GRM5: variants seen among roughly 807,000 people sequenced by gnomAD.
GRM5 encodes glutamate metabotropic receptor 5.
A neutral mutation model predicts 83.1 loss-of-function variants in GRM5; 19 were observed. The ratio of observed to expected loss-of-function variants is 0.23; its 90% CI spans 0.16 to 0.34. The LOEUF (loss-of-function observed/expected upper bound fraction) is 0.34. GRM5 is among the 10% of genes least tolerant of loss of function. The pLI is 1.00. For missense variants in GRM5, 1,160 were observed against 1,588.3 expected, an observed-to-expected ratio of 0.73 and a Z score of 4.58; for synonymous variants, 675 against 633.6, an observed-to-expected ratio of 1.07 and a Z score of -0.98.
Position 88,827,497 on chromosome 11 carries a change from T to A in GRM5, c.911+22409A>T, listed in dbSNP as rs192806320. Among the ~76,000 whole-genome samples, 120 of 152,372 alleles carry A rather than the reference T, an allele frequency of 7.9e-4. 1 individual carries two copies. The highest frequency in any genetic ancestry group is 5.4e-4 in the Non-Finnish European group (37 of 68,032). On this transcript the variant is annotated intron_variant, in intron 3 of 9. Coordinates refer to ENST00000305447, the MANE Select transcript of GRM5 (RefSeq NM_001143831.3). ...GCTTTAGGACAAATGAAGAGTCAGC[T>A]AGTTCCCCTGCTTACGCCATTTTCA... is the stretch of plus-strand genomic sequence containing the variant.
chr11:88,598,406 TG>T (rs1249847061), intron 5 of GRM5, among the ~76,000 whole-genome samples: 1 of 152,164 alleles, frequency 6.6e-6, no homozygotes, highest in Non-Finnish European at 1.5e-5. Context: ...GATGCCATTC[TG>T]TTTTCACTCC....
Position 88,955,652 on chromosome 11 carries a change from T to C in GRM5, c.661+91560A>G, listed in dbSNP as rs142262661. On this transcript the variant is annotated intron_variant, in intron 2 of 9. Coordinates refer to ENST00000305447, the MANE Select transcript of GRM5 (RefSeq NM_001143831.3). Reference sequence around the variant, plus strand: ...TTGTTCCGTCCTTGTCCCAAATGTATCCTGAACTTTCTTGCTTCTTTTCCA... The same window carrying C: ...TTGTTCCGTCCTTGTCCCAAATGTACCCTGAACTTTCTTGCTTCTTTTCCA... Among the ~76,000 whole-genome samples, 1,363 of 152,324 alleles carry C rather than the reference T, an allele frequency of 8.9e-3. 18 individuals are homozygous for C. Among genetic ancestry groups the C allele is most frequent in the African/African-American group, 0.025 (1,025 of 41,578 alleles).
intron 2 of GRM5, among the ~76,000 whole-genome samples, chr11:88,961,362 A>AT (rs5793371): frequency 0.013 from 1,898 of 144,396 alleles, 27 homozygotes; most frequent in African/African-American, 0.041. Context: ...ATGTTACAGC[A>AT]TTTTTTTTTT....
chr11:88,774,376 A>T (rs1194343878), intron 3 of GRM5, among the ~76,000 whole-genome samples: 1 of 152,200 alleles, frequency 6.6e-6, no homozygotes, highest in Non-Finnish European at 1.5e-5. Flanking sequence ...TTCTAAACAT[A>T]CAATCATGTC....
intron 3 of GRM5, among the ~76,000 whole-genome samples, chr11:88,673,079 T>A (rs1433306982): frequency 6.6e-6 from 1 of 151,964 alleles, no homozygotes; most frequent in African/African-American, 2.4e-5. Flanking sequence ...TCACAGAAAT[T>A]TAAAATGTGA....
At chr11:89,045,092 G>C (rs1253423518) in intron 2 of GRM5, among the ~76,000 whole-genome samples, 1 of 152,104 alleles carries the variant, frequency 6.6e-6, no homozygotes, top group East Asian at 1.9e-4. Flanking sequence ...GTAAGCAAAC[G>C]AGTATTTCTT....
chr11:88,981,830 A>G (rs1016798226), intron 2 of GRM5, among the ~76,000 whole-genome samples: 1 of 152,198 alleles, frequency 6.6e-6, no homozygotes, highest in Non-Finnish European at 1.5e-5. Flanking sequence ...TATCACAGAC[A>G]GCTATAAGGG....
intron 3 of GRM5, among the ~76,000 whole-genome samples, chr11:88,749,145 T>C (rs1295531729): frequency 6.6e-6 from 1 of 152,070 alleles, no homozygotes; most frequent in Admixed American, 6.6e-5. Flanking sequence ...AATAACGAAC[T>C]TCACTGAACT....
intron 2 of GRM5, among the ~76,000 whole-genome samples, chr11:88,945,060 C>A (rs1307778135): frequency 6.6e-6 from 1 of 151,720 alleles, no homozygotes; most frequent in African/African-American, 2.4e-5. Context: ...CATTTTTACA[C>A]ATGAATAACA....
At chr11:88,956,045 G>T (rs1030862558) in intron 2 of GRM5, among the ~76,000 whole-genome samples, 1 of 152,296 alleles carries the variant, frequency 6.6e-6, no homozygotes, top group Admixed American at 6.5e-5. Flanking sequence ...CGTCAGATCA[G>T]CTTCACAAAA....
chr11:88,814,375 T>G (rs566682075), intron 3 of GRM5, among the ~76,000 whole-genome samples: 1 of 152,282 alleles, frequency 6.6e-6, no homozygotes, highest in South Asian at 2.1e-4. Context: ...GCAAATAATT[T>G]ATCAGTACCT....
intron 3 of GRM5, among the ~76,000 whole-genome samples, chr11:88,740,067 A>T (rs1472167713): frequency 1.3e-5 from 2 of 152,060 alleles, no homozygotes; most frequent in East Asian, 3.9e-4. Flanking sequence ...CTTGGCTAAC[A>T]TTACTTTTAT....
intron 2 of GRM5, among the ~76,000 whole-genome samples, chr11:88,909,147 C>T (rs184129560): frequency 3.5e-4 from 53 of 152,212 alleles, no homozygotes; most frequent in Non-Finnish European, 2.4e-4. Flanking sequence ...TTACATTTCT[C>T]ATTTGTCCTT....
chr11:88,827,523 T>C (rs1333149750), intron 3 of GRM5, among the ~76,000 whole-genome samples: 2 of 152,230 alleles, frequency 1.3e-5, no homozygotes, highest in African/African-American at 4.8e-5. Flanking sequence ...GCCATTTTCA[T>C]TTCACCCTAA....
intron 3 of GRM5, among the ~76,000 whole-genome samples, chr11:88,758,413 A>G (rs1942441299): frequency 6.6e-6 from 1 of 152,226 alleles, no homozygotes; most frequent in South Asian, 2.1e-4. Context: ...CGTGGAAGAC[A>G]CACTACAAGA....
chr11:88,772,976 T>G lies in GRM5; in HGVS notation c.911+76930A>C, dbSNP rs906230812. On this transcript the variant is annotated intron_variant, in intron 3 of 9. Coordinates refer to ENST00000305447, the MANE Select transcript of GRM5 (RefSeq NM_001143831.3). ...TTGGGTATATACCCAGTAATGGGAT[T>G]GCTGGGTCAAATGATAACTCTAGTT... is the stretch of plus-strand genomic sequence containing the variant. Among the ~76,000 whole-genome samples, 221 of 152,180 alleles carry G rather than the reference T, an allele frequency of 1.5e-3. 4 individuals are homozygous for G. The highest frequency in any genetic ancestry group is 1.8e-3 in the Admixed American group (27 of 15,270).
intron 3 of GRM5, among the ~76,000 whole-genome samples, chr11:88,825,330 G>A (rs1943877339): frequency 6.6e-6 from 1 of 151,748 alleles, no homozygotes; most frequent in African/African-American, 2.4e-5. Context: ...AAATAAGATT[G>A]AAACAGTTTT....
chr11:88,650,898 A>G (rs1360744938), intron 4 of GRM5, among the ~76,000 whole-genome samples: 1 of 152,004 alleles, frequency 6.6e-6, no homozygotes, highest in Non-Finnish European at 1.5e-5. Flanking sequence ...TGCTTTTGTT[A>G]TATTTAAAAT....
intron 4 of GRM5, among the ~76,000 whole-genome samples, chr11:88,609,746 A>T (rs566940357): frequency 1.7e-4 from 26 of 152,306 alleles, no homozygotes; most frequent in African/African-American, 6.3e-4. Context: ...ATTAGGTTCT[A>T]TGCGTCAATT....
Sources: allele counts gnomAD v4.1 joint callset (sites outside exome capture counted in the v4.1 genomes callset), GRCh38; gene constraint gnomAD v4.1.1; transcripts MANE v1.5; gene names NCBI Gene and HGNC (gene_info 2026-07-23, HGNC 2026-07-21).